Variants in DPY19L2 observed in about 807,000 individuals in gnomAD.
DPY19L2 encodes probable C-mannosyltransferase DPY19L2.
DPY19L2 carries 34 observed loss-of-function variants against 97.9 expected under a neutral mutation model. The ratio of observed to expected loss-of-function variants is 0.35; its 90% CI spans 0.26 to 0.46. The LOEUF (loss-of-function observed/expected upper bound fraction) is 0.46, where lower values mean the gene tolerates loss of function less well. Ranked by LOEUF, DPY19L2 falls within the 20% of genes least tolerant of loss-of-function variation. The pLI, the probability that DPY19L2 is intolerant of heterozygous loss-of-function variation, is 1.00. For synonymous variants in DPY19L2, 230 were observed against 307.9 expected (o/e 0.75, Z 2.65); for missense variants, 623 against 911.4 (o/e 0.68, Z 4.07).
Position 63,560,563 on chromosome 12 carries a change from G to C in DPY19L2, c.2226C>G (p.Tyr742Ter). The change falls in exon 22 of 22, where the codon TAC (tyrosine) becomes TAG (stop). Residue 742 changes from tyrosine to a stop codon, truncating the protein, a stop_gained. Coordinates refer to ENST00000324472, the MANE Select transcript of DPY19L2 (RefSeq NM_173812.5). LOFTEE classifies it high-confidence loss of function. The stretch of plus-strand genomic sequence containing the variant: ...CACTATTCTGAAATACTGTGGTGAA[G>C]TAAGGCCTGGCGTCTTCGAGCAGGA... Reference protein sequence around the residue: ...CSVLLEDARPYFTTVFQNSVY... With the variant: ...CSVLLEDARP 1 of 1,614,066 alleles carries C rather than the reference G, an allele frequency of 6.2e-7. No homozygotes were observed. The highest frequency in any genetic ancestry group is 8.5e-7 in the Non-Finnish European group (1 of 1,179,952).
chr12:63,601,414 G>C (rs889962331), intron 12 of DPY19L2, among the ~76,000 whole-genome samples: 5 of 152,266 alleles, frequency 3.3e-5, no homozygotes, highest in Non-Finnish European at 7.4e-5. Context: ...CCTGGGGAAA[G>C]TTACAGCAAC....
At chr12:63,623,419 T>C (rs925043896) in intron 8 of DPY19L2, among the ~76,000 whole-genome samples, 1 of 152,120 alleles carries the variant, frequency 6.6e-6, no homozygotes, top group Non-Finnish European at 1.5e-5. Context: ...AAACCACAGG[T>C]TAGAAAACAA....
Position 63,580,916 on chromosome 12 carries a change from C to T in DPY19L2, c.1726-80G>A. On this transcript the variant is annotated intron_variant, in intron 18 of 21. Coordinates refer to ENST00000324472, the MANE Select transcript of DPY19L2 (RefSeq NM_173812.5). ...TCAACAATAAATTCTCACCTTGTTACTCAAACCAATGTGAATTACCCTTTG... is the reference window on the plus strand; with the variant it reads ...TCAACAATAAATTCTCACCTTGTTATTCAAACCAATGTGAATTACCCTTTG... The T allele has an allele frequency of 2.8e-6, 4 of 1,424,662 alleles. No homozygotes were observed. In the South Asian group the frequency reaches 5.6e-5, roughly 20 times the overall value. The allele number at this position is 1,424,662 out of a possible 1,614,324, so 88.3% of individuals were successfully genotyped here. A position where few individuals can be genotyped will look rare whatever the true frequency, so the allele number is the denominator to read the frequency against.
chr12:63,609,941 T>C (rs897628100), intron 11 of DPY19L2, among the ~76,000 whole-genome samples: 2 of 152,116 alleles, frequency 1.3e-5, no homozygotes, highest in Admixed American at 1.3e-4. Context: ...CATTGCAACA[T>C]TGTTTGTAAA....
chr12:63,576,398 C>T (rs1341050037), intron 19 of DPY19L2, among the ~76,000 whole-genome samples: 1 of 151,890 alleles, frequency 6.6e-6, no homozygotes, highest in Non-Finnish European at 1.5e-5. Context: ...CAAGGATGCT[C>T]ACTTTTTACC....
chr12:63,578,368 A>G (rs938606800), intron 19 of DPY19L2, among the ~76,000 whole-genome samples: 2 of 152,160 alleles, frequency 1.3e-5, no homozygotes, highest in Non-Finnish European at 2.9e-5. Context: ...CAAACAAAAT[A>G]GAATGGATAA....
At chr12:63,578,822 C>G (rs1259764083) in intron 19 of DPY19L2, among the ~76,000 whole-genome samples, 9 of 151,982 alleles carry the variant, frequency 5.9e-5, no homozygotes, top group Non-Finnish European at 8.8e-5. Context: ...CCCTAGGGAG[C>G]ACTATCAACT....
Position 63,665,781 on chromosome 12 carries a change from G to A in DPY19L2, c.362+54C>T, listed in dbSNP as rs1896265096. ...TGTTTTACTGTATGCAAAGAGTGAT[G>A]GCAATTTTTAATTCAAATGTTTTTA... is the stretch of plus-strand genomic sequence containing the variant. On this transcript the variant is annotated intron_variant, in intron 2 of 21. Transcript: ENST00000324472. 22 of 1,411,844 alleles carry A rather than the reference G, an allele frequency of 1.6e-5. No individual in the cohort carries two copies. The South Asian group carries it at 2.6e-4, about 17-fold the overall frequency. The allele number at this position is 1,411,844 out of a possible 1,614,324, so 87.5% of individuals were successfully genotyped here.
intron 21 of DPY19L2, among the ~76,000 whole-genome samples, chr12:63,566,496 T>C (rs1193997737): frequency 1.4e-5 from 2 of 143,378 alleles, no homozygotes; most frequent in African/African-American, 5.0e-5. Flanking sequence ...AAATCATCCA[T>C]ATCTATAATT....
intron 4 of DPY19L2, among the ~76,000 whole-genome samples, chr12:63,647,797 T>C (rs1808690599): frequency 1.3e-5 from 2 of 152,114 alleles, no homozygotes; most frequent in African/African-American, 4.8e-5. Flanking sequence ...ATAACTGCAA[T>C]AGAGTAGAGC....
At chr12:63,575,684 C>T (rs183902904) in intron 19 of DPY19L2, among the ~76,000 whole-genome samples, 104 of 151,740 alleles carry the variant, frequency 6.9e-4, no homozygotes, top group African/African-American at 2.3e-3. Flanking sequence ...GCCAATAAAT[C>T]GGAAAACATA....
intron 9 of DPY19L2, among the ~76,000 whole-genome samples, chr12:63,620,381 T>C (rs1424316099): frequency 6.6e-6 from 1 of 152,172 alleles, no homozygotes; most frequent in Non-Finnish European, 1.5e-5. Context: ...AGAGCAGGAT[T>C]GGCCCTTGGC....
chr12:63,613,423 G>T (rs1887334305), intron 11 of DPY19L2, among the ~76,000 whole-genome samples: 1 of 152,054 alleles, frequency 6.6e-6, no homozygotes, highest in Non-Finnish European at 1.5e-5. Context: ...ATTCATTTTT[G>T]AAAAAACTCA....
rs565018 is a variant in DPY19L2 at position 63,661,483 on chromosome 12, T to C, written c.451-2A>G. The stretch of plus-strand genomic sequence containing the variant: ...CTTGAAGTATGAATAATAAAGTCCC[T>C]TTTTTTAAAAAAAGACATATATTGT... On this transcript the variant is annotated splice_acceptor_variant, in intron 3 of 21. Transcript: ENST00000324472. LOFTEE classifies it high-confidence loss of function. 2 of 1,547,048 alleles carry C rather than the reference T, an allele frequency of 1.3e-6. No individual in the cohort carries two copies.
Position 63,577,477 on chromosome 12 carries a change from A to T in DPY19L2, c.1900+3185T>A, listed in dbSNP as rs1880055450. 3.3e-5 allele frequency among the ~76,000 whole-genome samples: 5 copies of T among 152,282 alleles called. No individual in the cohort carries two copies. In the South Asian group the frequency reaches 1.0e-3, roughly 32 times the overall value. ...TAAAAGCTTCTGCACAGCAAAGGAAACAATCAGCAAAGTGAAGAGACAACC... is the reference window on the plus strand; with the variant it reads ...TAAAAGCTTCTGCACAGCAAAGGAATCAATCAGCAAAGTGAAGAGACAACC... On this transcript the variant is annotated intron_variant, in intron 19 of 21. Transcript: ENST00000324472.
chr12:63,570,805 TG>T lies in DPY19L2; in HGVS notation c.1952del (p.Thr651AsnfsTer6). On this transcript the variant is annotated frameshift_variant, in exon 20 of 22. Coordinates refer to ENST00000324472, the MANE Select transcript of DPY19L2 (RefSeq NM_173812.5). LOFTEE classifies it high-confidence loss of function. ...MPTMASIKLS[T>X]LHPIVNHPHY... ...GTGGATGATTCACAATGGGATGAAG[TG>T]TAGACAGCTTGATGCTTGCCATTGT... is the stretch of plus-strand genomic sequence containing the variant. 6.2e-7 allele frequency: 1 copy of T among 1,612,166 alleles called. No individual in the cohort carries two copies. Among genetic ancestry groups the T allele is most frequent in the Middle Eastern group, 1.7e-4 (1 of 6,056 alleles).
chr12:63,642,341 CA>C (rs140243307), intron 6 of DPY19L2, among the ~76,000 whole-genome samples: 12,169 of 152,074 alleles, frequency 0.08, 757 homozygotes, highest in African/African-American at 0.17. Flanking sequence ...TTCTTTTCAT[CA>C]AATTTATTAG....
intron 19 of DPY19L2, among the ~76,000 whole-genome samples, chr12:63,575,144 AC>A (rs1173218123): frequency 6.7e-6 from 1 of 149,774 alleles, no homozygotes; most frequent in African/African-American, 2.5e-5. Flanking sequence ...GGAAAAAAAA[AC>A]TAGAAATCAG....
rs1260714957 is a variant in DPY19L2 at position 63,623,170 on chromosome 12, G to T, written c.953+870C>A. Among the ~76,000 whole-genome samples the T allele has an allele frequency of 7.3e-5, 11 of 151,168 alleles. No homozygotes were observed. The East Asian group carries it at 1.9e-3, about 27-fold the overall frequency. On this transcript the variant is annotated intron_variant, in intron 8 of 21. Coordinates refer to ENST00000324472, the MANE Select transcript of DPY19L2 (RefSeq NM_173812.5). ...TTATTTATACTATTCTACCACTTAT[G>T]GGGTTTTTTGTTCATTTCTCAGACC...
Sources: allele counts gnomAD v4.1 joint callset (sites outside exome capture counted in the v4.1 genomes callset), GRCh38; gene constraint gnomAD v4.1.1; transcripts MANE v1.5; gene names NCBI Gene and HGNC (gene_info 2026-07-23, HGNC 2026-07-21).